SYCP2: variants seen among roughly 807,000 people sequenced by gnomAD.
SYCP2 encodes synaptonemal complex protein 2, also known as synaptonemal complex lateral element protein.
A neutral mutation model predicts 211.3 loss-of-function variants in SYCP2; 55 were observed. The ratio of observed to expected loss-of-function variants is 0.26; its 90% CI spans 0.21 to 0.33. SYCP2 has a LOEUF of 0.33. Among genes scored for constraint, SYCP2 ranks in the 10% least tolerant of loss-of-function variants. The pLI is 1.00. For missense variants in SYCP2, 1,731 were observed against 1,752.0 expected, an observed-to-expected ratio of 0.99 and a Z score of 0.21; for synonymous variants, 570 against 555.2, an observed-to-expected ratio of 1.03 and a Z score of -0.37.
At chr20:59,908,404 T>G (rs920488783) in intron 14 of SYCP2, among the ~76,000 whole-genome samples, 1 of 152,174 alleles carries the variant, frequency 6.6e-6, no homozygotes, top group African/African-American at 2.4e-5. Flanking sequence ...CACACCCTGA[T>G]GACATCACCA....
intron 18 of SYCP2, 107 bp from the exon 19 acceptor site, chr20:59,896,635 G>GT: frequency 1.7e-6 from 1 of 581,840 alleles, no homozygotes; most frequent in Non-Finnish European, 3.0e-6. Context: ...AAAGATATAT[G>GT]TTTTTTAAAT....
chr20:59,920,319 T>C (rs777225727), intron 5 of SYCP2, 40 bp downstream of exon 5: 13 of 1,464,218 alleles, frequency 8.9e-6, no homozygotes, highest in Admixed American at 2.0e-5. Context: ...TCTTTTATAA[T>C]ATTTCATTCA....
intron 28 of SYCP2, 24 bp from the exon 29 acceptor site, chr20:59,881,516 AAAG>A: frequency 7.8e-7 from 1 of 1,283,946 alleles, no homozygotes; most frequent in Non-Finnish European, 1.1e-6. Context: ...AAACAAAAAA[AAAG>A]AGGTGTCAGT....
intron 33 of SYCP2, among the ~76,000 whole-genome samples, chr20:59,876,627 A>G (rs1235340300): frequency 6.6e-6 from 1 of 151,776 alleles, no homozygotes; most frequent in Non-Finnish European, 1.5e-5. Context: ...CTTCTCTCTG[A>G]GCCTCAATTT....
At chr20:59,916,215 A>G (rs2060438556) in intron 8 of SYCP2, among the ~76,000 whole-genome samples, 1 of 152,210 alleles carries the variant, frequency 6.6e-6, no homozygotes, top group Non-Finnish European at 1.5e-5. Flanking sequence ...ACATATACTA[A>G]TACAGATTAT....
At chr20:59,928,216 A>G (rs774642771) in intron 2 of SYCP2, among the ~76,000 whole-genome samples, 2 of 152,230 alleles carry the variant, frequency 1.3e-5, no homozygotes, top group African/African-American at 2.4e-5. Context: ...GAGGCTCAAC[A>G]TAAATATCTA....
intron 5 of SYCP2, 24 bp downstream of exon 5, chr20:59,920,335 A>C: frequency 6.5e-7 from 1 of 1,539,524 alleles, no homozygotes; most frequent in Non-Finnish European, 8.9e-7. Context: ...ATTCACATGA[A>C]TATGTTACAT....
intron 35 of SYCP2, among the ~76,000 whole-genome samples, chr20:59,873,349 A>G (rs1461321194): frequency 6.6e-6 from 1 of 152,190 alleles, no homozygotes; most frequent in African/African-American, 2.4e-5. Context: ...ATACCTCTAC[A>G]GTTGATCTGA....
At chr20:59,921,543 G>A in intron 3 of SYCP2, 90 bp from the exon 4 acceptor site, 1 of 907,208 alleles carries the variant, frequency 1.1e-6, no homozygotes, top group Non-Finnish European at 1.5e-6. Context: ...GTTTTCACAT[G>A]AAAACTCTCA....
At chr20:59,932,351 G>A (rs1489770854) in intron 1 of SYCP2, among the ~76,000 whole-genome samples, 197 bp from the exon 2 acceptor site, 1 of 152,094 alleles carries the variant, frequency 6.6e-6, no homozygotes. Flanking sequence ...GAATGAAGGG[G>A]AGGGAAGGCG....
chr20:59,870,188 T>C (rs1394769299), intron 35 of SYCP2, among the ~76,000 whole-genome samples: 2 of 151,786 alleles, frequency 1.3e-5, no homozygotes, highest in Non-Finnish European at 1.5e-5. Flanking sequence ...AACCTGTAGA[T>C]AAGGATCCCT....
At chr20:59,930,786 A>C (rs1226103243) in intron 2 of SYCP2, among the ~76,000 whole-genome samples, 1 of 152,198 alleles carries the variant, frequency 6.6e-6, no homozygotes, top group African/African-American at 2.4e-5. Context: ...TTAAGGAAAC[A>C]ATTACAATTC....
chr20:59,917,930 A>G (rs1568978925), intron 7 of SYCP2, among the ~76,000 whole-genome samples: 1 of 152,230 alleles, frequency 6.6e-6, no homozygotes, highest in Non-Finnish European at 1.5e-5. Context: ...ATTACTCACC[A>G]GCAAGTGCTC....
chr20:59,895,532 T>C lies in SYCP2; in HGVS notation c.1570A>G (p.Ser524Gly). 1.9e-6 allele frequency: 3 copies of C among 1,612,992 alleles called. No homozygotes were observed. The highest frequency in any genetic ancestry group is 2.5e-6 in the Non-Finnish European group (3 of 1,179,166). ...LQMTSSAEKPSVSQTSENRVD... is the reference protein window; with the variant it reads ...LQMTSSAEKPGVSQTSENRVD... ...CTATTTTCTGATGTTTGAGAAACAC[T>C]AGGTTTCTCTGCAGAGCTCGTCATT... is the stretch of plus-strand genomic sequence containing the variant. Residue 524 changes from serine (S) to glycine (G), a missense_variant, in exon 20 of 45, where the codon AGT becomes GGT. This residue lies in a region of SYCP2 where 1,387 missense variants were observed against 1,351.3 expected (regional missense o/e 1.03). Transcript: ENST00000357552.
chr20:59,906,197 C>A (rs570932915), intron 15 of SYCP2, among the ~76,000 whole-genome samples: 5 of 152,106 alleles, frequency 3.3e-5, no homozygotes, highest in African/African-American at 1.2e-4. Context: ...ATTGATAAAC[C>A]AATTCTAAAA....
At chr20:59,871,595 C>A (rs961297049) in intron 35 of SYCP2, among the ~76,000 whole-genome samples, 3 of 151,552 alleles carry the variant, frequency 2.0e-5, no homozygotes, top group Non-Finnish European at 3.0e-5. Flanking sequence ...TTAAAGGATG[C>A]GGGGGAAAAT....
At chr20:59,933,548 C>T (rs1290812147) in intron 1 of SYCP2, 21 bp downstream of exon 1, 4 of 152,242 alleles carry the variant, frequency 2.6e-5, no homozygotes, top group Admixed American at 6.5e-5. Flanking sequence ...GAAGCCCACC[C>T]AGGCACTCTG....
chr20:59,906,518 C>T (rs2060216496), intron 15 of SYCP2, among the ~76,000 whole-genome samples: 1 of 152,110 alleles, frequency 6.6e-6, no homozygotes, highest in Non-Finnish European at 1.5e-5. Context: ...AACCTCCAAT[C>T]TCTGCATCAT....
chr20:59,895,524 A>G lies in SYCP2; in HGVS notation c.1578T>C (p.Ser526=). The part of the protein sequence containing the change: ...MTSSAEKPSV[S]QTSENRVDNA... ...TATCCACTCTATTTTCTGATGTTTGAGAAACACTAGGTTTCTCTGCAGAGC... is the reference window on the plus strand; with the variant it reads ...TATCCACTCTATTTTCTGATGTTTGGGAAACACTAGGTTTCTCTGCAGAGC... Residue 526 remains serine (S), a synonymous_variant, in exon 20 of 45, where the codon TCT becomes TCC. Transcript: ENST00000357552. The G allele has an allele frequency of 6.2e-7, 1 of 1,612,536 alleles. No individual in the cohort carries two copies. The highest frequency in any genetic ancestry group is 8.5e-7 in the Non-Finnish European group (1 of 1,178,890).
Sources: allele counts gnomAD v4.1 joint callset (sites outside exome capture counted in the v4.1 genomes callset), GRCh38; gene constraint gnomAD v4.1.1; regional missense constraint gnomAD v4.1.1; transcripts MANE v1.5; gene names NCBI Gene and HGNC (gene_info 2026-07-23, HGNC 2026-07-21).